Variants in DIAPH3 observed in about 807,000 individuals in gnomAD.
DIAPH3 encodes protein diaphanous homolog 3.
Under a neutral mutation model 144.3 loss-of-function variants are expected in DIAPH3, and 117 were observed. The observed-to-expected ratio is 0.81, with a 90% CI of 0.70 to 0.95. DIAPH3 has a LOEUF of 0.95. DIAPH3 is among the 40% of genes least tolerant of loss of function. The pLI, the probability that DIAPH3 is intolerant of heterozygous loss-of-function variation, is 0.00. For missense variants in DIAPH3, 1,421 were observed against 1,412.7 expected (o/e 1.01, Z -0.09); for synonymous variants, 519 against 488.9 (o/e 1.06, Z -0.81).
intron 24 of DIAPH3, among the ~76,000 whole-genome samples, chr13:59,827,502 T>C (rs1469229745): frequency 1.3e-5 from 2 of 151,984 alleles, no homozygotes; most frequent in Admixed American, 1.3e-4. Context: ...TTCTTTAAGA[T>C]GAAATGTTAA....
At chr13:60,014,282 A>G (rs2053479185) in intron 7 of DIAPH3, among the ~76,000 whole-genome samples, 1 of 152,130 alleles carries the variant, frequency 6.6e-6, no homozygotes, top group Non-Finnish European at 1.5e-5. Context: ...CTTAGTGGGC[A>G]AAGACCTCTC....
chr13:59,706,842 T>C (rs2034458533), intron 27 of DIAPH3, among the ~76,000 whole-genome samples: 1 of 152,226 alleles, frequency 6.6e-6, no homozygotes, highest in Non-Finnish European at 1.5e-5. Context: ...ATTGTGATTG[T>C]CTATATTTGC....
chr13:59,776,940 ACAAACAAAC>A (rs386771401), intron 25 of DIAPH3, among the ~76,000 whole-genome samples: 1 of 152,090 alleles, frequency 6.6e-6, no homozygotes, highest in South Asian at 2.1e-4. Context: ...AAACAAACAA[ACAAACAAAC>A]AAAAAAACCC....
chr13:60,153,738 T>C (rs998882347), intron 1 of DIAPH3, among the ~76,000 whole-genome samples: 6 of 152,164 alleles, frequency 3.9e-5, no homozygotes, highest in Admixed American at 1.3e-4. Flanking sequence ...CTGTTTTAGT[T>C]TTATAGCTGT....
intron 27 of DIAPH3, among the ~76,000 whole-genome samples, chr13:59,733,107 A>T (rs908959270): frequency 6.6e-6 from 1 of 152,186 alleles, no homozygotes; most frequent in Non-Finnish European, 1.5e-5. Flanking sequence ...TTCCTTCATT[A>T]TCTACATTCT....
At chr13:59,745,140 C>T (rs1376833243) in intron 27 of DIAPH3, among the ~76,000 whole-genome samples, 1 of 152,132 alleles carries the variant, frequency 6.6e-6, no homozygotes, top group African/African-American at 2.4e-5. Context: ...GCTTTTTCCT[C>T]TAGCTTTAAC....
chr13:59,834,909 T>A (rs1175463149), intron 23 of DIAPH3, among the ~76,000 whole-genome samples: 16 of 151,662 alleles, frequency 1.1e-4, no homozygotes, highest in Non-Finnish European at 3.0e-5. Flanking sequence ...ATCTTCCCAT[T>A]TGAGAGGTAG....
At position 59,879,346 on chromosome 13, in the gene DIAPH3, T is replaced by C. The variant is rs753736610; in HGVS notation, c.2490A>G (p.Ile830Met). The C allele has an allele frequency of 3.7e-6, 6 of 1,613,790 alleles. No individual in the cohort carries two copies. Among genetic ancestry groups the C allele is most frequent in the Middle Eastern group, 1.6e-4 (1 of 6,082 alleles). The change falls in exon 21 of 28, where the codon ATA (isoleucine) becomes ATG (methionine). Residue 830 changes from isoleucine to methionine, a missense_variant. Ile to Met is a conservative substitution (Grantham distance 10). Transcript: ENST00000400324. ...ACTTGCTAAAGCTTTTGCTCTTCTT[T>C]ATCTCTTCGCAGGCAGTACTGACAG... ...IMAVSTACEE[I>M]KKSKSFSKLL...
At chr13:59,901,589 A>C (rs2046436945) in intron 20 of DIAPH3, among the ~76,000 whole-genome samples, 1 of 152,224 alleles carries the variant, frequency 6.6e-6, no homozygotes, top group Non-Finnish European at 1.5e-5. Context: ...ATCCCCAATA[A>C]AAATATATGA....
chr13:59,677,416 C>T (rs1371636145), intron 27 of DIAPH3, among the ~76,000 whole-genome samples: 1 of 150,472 alleles, frequency 6.6e-6, no homozygotes, highest in African/African-American at 2.4e-5. Context: ...CCACATTAAA[C>T]ATTGAAAAAA....
chr13:59,749,646 G>C (rs907346538), intron 27 of DIAPH3, among the ~76,000 whole-genome samples: 1 of 149,946 alleles, frequency 6.7e-6, no homozygotes, highest in African/African-American at 2.5e-5. Flanking sequence ...TTATATGCAA[G>C]ATACCTTGCA....
At chr13:59,800,483 G>C (rs1274013571) in intron 25 of DIAPH3, among the ~76,000 whole-genome samples, 1 of 152,018 alleles carries the variant, frequency 6.6e-6, no homozygotes, top group Non-Finnish European at 1.5e-5. Context: ...ACATCATTTG[G>C]GTTCTTCTAA....
chr13:60,017,359 G>A (rs995633413), intron 5 of DIAPH3, among the ~76,000 whole-genome samples: 19 of 150,094 alleles, frequency 1.3e-4, no homozygotes, highest in Non-Finnish European at 2.1e-4. Flanking sequence ...AGCCGAGATC[G>A]CGCCATCGTA....
At position 59,916,238 on chromosome 13, in the gene DIAPH3, T is replaced by A; in HGVS notation, c.2182A>T (p.Ser728Cys). 6.2e-7 allele frequency: 1 copy of A among 1,612,914 alleles called. No homozygotes were observed. Among genetic ancestry groups the A allele is most frequent in the Non-Finnish European group, 8.5e-7 (1 of 1,179,210 alleles). ...TCCTCATATGGCACCCGAAAAGAGC[T>A]CAGGAAGATTGCTAAGAAGGAGAAA... ...KIAQNLSIFL[S>C]SFRVPYEEIR... The change falls in exon 19 of 28, where the codon AGC becomes TGC. Residue 728 changes from serine to cysteine, a missense_variant. Coordinates refer to ENST00000400324, the MANE Select transcript of DIAPH3 (RefSeq NM_001042517.2).
At chr13:60,058,621 C>T (rs2056645872) in intron 4 of DIAPH3, among the ~76,000 whole-genome samples, 1 of 151,962 alleles carries the variant, frequency 6.6e-6, no homozygotes, top group African/African-American at 2.4e-5. Context: ...CCTAACTGCC[C>T]ACCAACTGGT....
intron 27 of DIAPH3, among the ~76,000 whole-genome samples, chr13:59,770,995 A>G (rs1239755621): frequency 1.3e-5 from 2 of 152,178 alleles, no homozygotes; most frequent in Non-Finnish European, 2.9e-5. Flanking sequence ...GGTTTGGACC[A>G]CAGCACAAAG....
intron 27 of DIAPH3, among the ~76,000 whole-genome samples, chr13:59,758,924 C>T (rs7326354): frequency 0.34 from 51,396 of 150,154 alleles, 9,252 homozygotes; most frequent in African/African-American, 0.44. Context: ...GGACCATGGG[C>T]GCACACCACC....
chr13:60,156,939 A>ATATATATATATATATATATATATATATTT (rs1337230427), intron 1 of DIAPH3, among the ~76,000 whole-genome samples: 1 of 82,068 alleles, frequency 1.2e-5, no homozygotes, highest in African/African-American at 5.4e-5. Context: ...ATATATATAT[A>ATATATATATATATATATATATATATATTT]TTTTTTTTTT....
chr13:59,999,599 C>T (rs1009060672), intron 9 of DIAPH3, among the ~76,000 whole-genome samples: 7 of 152,146 alleles, frequency 4.6e-5, no homozygotes, highest in Non-Finnish European at 8.8e-5. Context: ...CTGCTCCCAG[C>T]CAAGGCTTGA....
Sources: allele counts gnomAD v4.1 joint callset (sites outside exome capture counted in the v4.1 genomes callset), GRCh38; gene constraint gnomAD v4.1.1; transcripts MANE v1.5; gene names NCBI Gene and HGNC (gene_info 2026-07-23, HGNC 2026-07-21).